The following GPC5 variants were observed in gnomAD, a reference collection of about 807,000 sequenced individuals.
GPC5 encodes the protein glypican 5, also known as glypican-5.
Under a neutral mutation model 53.9 loss-of-function variants are expected in GPC5, and 47 were observed. The observed-to-expected ratio is 0.87, with a 90% CI of 0.69 to 1.11. The LOEUF is 1.11. Ranked by LOEUF, GPC5 falls within the 50% of genes most tolerant of loss-of-function variation. The pLI, the probability that GPC5 is intolerant of heterozygous loss-of-function variation, is 0.00. For synonymous variants in GPC5, 286 were observed against 263.3 expected (o/e 1.09, Z -0.84); for missense variants, 748 against 713.1 (o/e 1.05, Z -0.56).
intron 7 of GPC5, among the ~76,000 whole-genome samples, chr13:92,204,470 G>A (rs1237526418): frequency 6.6e-6 from 1 of 152,128 alleles, no homozygotes; most frequent in African/African-American, 2.4e-5. Context: ...AGACTGCCGA[G>A]TCTGCCCAGA....
chr13:92,082,157 G>A (rs887228949), intron 6 of GPC5, among the ~76,000 whole-genome samples: 14 of 152,030 alleles, frequency 9.2e-5, no homozygotes, highest in African/African-American at 3.1e-4. Flanking sequence ...TCATTTCCTA[G>A]TACTGAATTA....
chr13:91,665,505 C>CTTT (rs371605806), intron 2 of GPC5, among the ~76,000 whole-genome samples: 462 of 145,982 alleles, frequency 3.2e-3, no homozygotes, highest in East Asian at 0.01. Flanking sequence ...AAAAGCCAGT[C>CTTT]TTTTTTTTTT....
At chr13:92,325,523 T>G (rs1379854703) in intron 7 of GPC5, among the ~76,000 whole-genome samples, 2 of 152,086 alleles carry the variant, frequency 1.3e-5, no homozygotes, top group East Asian at 3.9e-4. Flanking sequence ...TAAGGATGAT[T>G]GTATTCACTG....
At chr13:91,986,140 A>C (rs2138725529) in intron 6 of GPC5, among the ~76,000 whole-genome samples, 1 of 125,198 alleles carries the variant, frequency 8.0e-6, no homozygotes, top group East Asian at 2.4e-4. Context: ...ATCTGGGCTT[A>C]CTGCAAGCTC....
chr13:91,844,476 A>C (rs2038825511), intron 5 of GPC5, among the ~76,000 whole-genome samples: 1 of 152,118 alleles, frequency 6.6e-6, no homozygotes, highest in South Asian at 2.1e-4. Flanking sequence ...TGTGAATTGC[A>C]CCCGAGTCTT....
chr13:92,589,679 A>T (rs1883656085), intron 7 of GPC5, among the ~76,000 whole-genome samples: 1 of 152,188 alleles, frequency 6.6e-6, no homozygotes, highest in Non-Finnish European at 1.5e-5. Context: ...TCATTGTCAC[A>T]ACAAATAAGG....
At chr13:92,813,227 G>A (rs1877356657) in intron 7 of GPC5, among the ~76,000 whole-genome samples, 1 of 151,822 alleles carries the variant, frequency 6.6e-6, no homozygotes, top group African/African-American at 2.4e-5. Context: ...ATCCATTTTT[G>A]TTGAAATAAG....
At chr13:92,566,527 C>T (rs576755121) in intron 7 of GPC5, among the ~76,000 whole-genome samples, 66 of 152,174 alleles carry the variant, frequency 4.3e-4, no homozygotes, top group Admixed American at 1.1e-3. Flanking sequence ...AAGTATTGAT[C>T]GTGGCCCTTG....
intron 7 of GPC5, 129 bp from the exon 8 acceptor site, chr13:92,866,153 A>G: frequency 1.7e-6 from 1 of 593,900 alleles, no homozygotes; most frequent in Non-Finnish European, 2.7e-6. Flanking sequence ...TAATTATGTT[A>G]GAGTTAGGTG....
chr13:91,760,891 CTG>C (rs1027161538), intron 5 of GPC5, among the ~76,000 whole-genome samples: 1 of 152,258 alleles, frequency 6.6e-6, no homozygotes, highest in East Asian at 1.9e-4. Flanking sequence ...ATTTCGAAGA[CTG>C]TATTCATATC....
chr13:91,652,875 A>G (rs2034750676), intron 2 of GPC5, among the ~76,000 whole-genome samples: 1 of 152,188 alleles, frequency 6.6e-6, no homozygotes, highest in African/African-American at 2.4e-5. Flanking sequence ...AGGCTTCCTA[A>G]TTAATCCACC....
At chr13:91,762,252 C>G (rs2037428471) in intron 5 of GPC5, among the ~76,000 whole-genome samples, 1 of 151,768 alleles carries the variant, frequency 6.6e-6, no homozygotes, top group African/African-American at 2.4e-5. Context: ...TACCAATTCT[C>G]ACTTTTCTTT....
chr13:92,670,885 A>G (rs1347104489), intron 7 of GPC5, among the ~76,000 whole-genome samples: 1 of 152,130 alleles, frequency 6.6e-6, no homozygotes, highest in African/African-American at 2.4e-5. Context: ...GAGCAGTAAC[A>G]TGACTACTTT....
chr13:91,881,984 C>A (rs1374808253), intron 5 of GPC5, among the ~76,000 whole-genome samples: 1 of 152,144 alleles, frequency 6.6e-6, no homozygotes, highest in Non-Finnish European at 1.5e-5. Flanking sequence ...GTACAAGAAG[C>A]ATTTAAATCA....
At chr13:92,022,754 G>A (rs2040769500) in intron 6 of GPC5, among the ~76,000 whole-genome samples, 2 of 151,940 alleles carry the variant, frequency 1.3e-5, no homozygotes, top group African/African-American at 4.8e-5. Context: ...GTAAGTGGGA[G>A]ATAATCATTT....
In GPC5 at chr13:92,385,607, A is replaced by ATATACG. The variant is rs1874643504; in HGVS notation, c.1561+240618_1561+240619insTATACG. 8.4e-5 allele frequency among the ~76,000 whole-genome samples: 12 copies of ATATACG among 142,038 alleles called. No individual in the cohort carries two copies. In the Admixed American group the frequency reaches 8.8e-4, roughly 10 times the overall value. 93.2% of individuals were successfully genotyped at this position (142,038 alleles called of 152,430 possible). A position where few individuals can be genotyped will look rare whatever the true frequency, so the allele number is the denominator to read the frequency against. On this transcript the variant is annotated intron_variant, in intron 7 of 7. Transcript: ENST00000377067. The stretch of plus-strand genomic sequence containing the variant: ...TATATACGCATATATACATATATAC[A>ATATACG]CATATACATATACATACACATATAT...
chr13:92,431,457 A>G (rs1877081053), intron 7 of GPC5, among the ~76,000 whole-genome samples: 1 of 151,260 alleles, frequency 6.6e-6, no homozygotes, highest in Admixed American at 6.6e-5. Context: ...TTTAGGCTAA[A>G]TAGTTGAGGC....
At chr13:92,329,540 A>G (rs929415855) in intron 7 of GPC5, among the ~76,000 whole-genome samples, 1 of 152,152 alleles carries the variant, frequency 6.6e-6, no homozygotes, top group Non-Finnish European at 1.5e-5. Flanking sequence ...GGAGGGGACA[A>G]ACATCCAAAC....
chr13:92,482,847 G>A (rs1431667361), intron 7 of GPC5, among the ~76,000 whole-genome samples: 1 of 152,128 alleles, frequency 6.6e-6, no homozygotes, highest in East Asian at 1.9e-4. Context: ...TAATGATGGG[G>A]ATACTGTATT....
Sources: allele counts gnomAD v4.1 joint callset (sites outside exome capture counted in the v4.1 genomes callset), GRCh38; gene constraint gnomAD v4.1.1; transcripts MANE v1.5; gene names NCBI Gene and HGNC (gene_info 2026-07-23, HGNC 2026-07-21).